DSC3: variants seen among roughly 807,000 people sequenced by gnomAD.
The protein encoded by DSC3 is desmocollin 3, also known as desmocollin-3.
DSC3 carries 97 observed loss-of-function variants against 89.5 expected under a neutral mutation model. That is an observed-to-expected ratio of 1.08 (90% CI 0.92 to 1.28). DSC3 has a LOEUF of 1.28. Ranked by LOEUF, DSC3 falls within the 50% of genes most tolerant of loss-of-function variation. The pLI, the probability that DSC3 is intolerant of heterozygous loss-of-function variation, is 0.00. For synonymous variants in DSC3, 436 were observed against 384.1 expected (o/e 1.14, Z -1.58); for missense variants, 1,199 against 1,085.3 (o/e 1.10, Z -1.47).
At chr18:31,040,298 G>T (rs1289922036) in intron 1 of DSC3, among the ~76,000 whole-genome samples, 1 of 151,864 alleles carries the variant, frequency 6.6e-6, no homozygotes. Flanking sequence ...AAGTGGATTT[G>T]ATAACAGTAT....
At chr18:31,034,060 C>T (rs1985892227) in intron 1 of DSC3, among the ~76,000 whole-genome samples, 4 of 152,110 alleles carry the variant, frequency 2.6e-5, no homozygotes, top group Admixed American at 1.3e-4. Flanking sequence ...CTCCTGACCT[C>T]GTGATCCGCC....
At position 31,008,602 on chromosome 18, in the gene DSC3, C is replaced by T. The variant is rs1257092977; in HGVS notation, c.1264-77G>A. On this transcript the variant is annotated intron_variant, in intron 9 of 15. Coordinates refer to ENST00000360428, the MANE Select transcript of DSC3 (RefSeq NM_001941.5). The stretch of plus-strand genomic sequence containing the variant: ...TTTCAAATGGCAAGTGAACATTTGT[C>T]ATCCTGACCAGTGCTGCATAAATTC... 1.6e-5 allele frequency: 25 copies of T among 1,553,818 alleles called. 1 individual carries two copies. Among genetic ancestry groups the T allele is most frequent in the Non-Finnish European group, 2.1e-5 (24 of 1,134,838 alleles).
chr18:31,035,356 C>T (rs1165514909), intron 1 of DSC3, among the ~76,000 whole-genome samples: 7 of 152,000 alleles, frequency 4.6e-5, no homozygotes, highest in South Asian at 2.1e-4. Context: ...TGTAACAATG[C>T]TGTTTAATTT....
intron 9 of DSC3, among the ~76,000 whole-genome samples, chr18:31,009,837 T>A (rs1421626138): frequency 1.3e-5 from 2 of 152,266 alleles, no homozygotes; most frequent in African/African-American, 4.8e-5. Context: ...AGCCAGGTAG[T>A]CTGACCTGAG....
rs182021280 is a variant in DSC3, at chr18:31,018,483, T to C, written c.1077+183A>G. 2.1e-4 allele frequency among the ~76,000 whole-genome samples: 32 copies of C among 152,250 alleles called. No individual in the cohort carries two copies. In the South Asian group the frequency reaches 3.3e-3, roughly 16 times the overall value. ...CTGGCCTTTGACAGAAGGGAGATAA[T>C]AGAAACACTAATATGAATAAATAAA... On this transcript the variant is annotated intron_variant, in intron 8 of 15. Coordinates refer to ENST00000360428, the MANE Select transcript of DSC3 (RefSeq NM_001941.5).
chr18:31,024,405 T>C lies in DSC3; in HGVS notation c.719A>G (p.His240Arg), dbSNP rs535286310. 8 of 1,609,844 alleles carry C rather than the reference T, an allele frequency of 5.0e-6. No homozygotes were observed. The Admixed American group carries it at 1.3e-4, about 27-fold the overall frequency. The change falls in exon 6 of 16, where the codon CAC (histidine) becomes CGC (arginine). Residue 240 changes from histidine to arginine, a missense_variant. By Grantham distance (29) the His-to-Arg change is conservative. Coordinates refer to ENST00000360428, the MANE Select transcript of DSC3 (RefSeq NM_001941.5). ...PIRVEDENDN[H>R]PVFTEAIYNF... ...ATAAATTGCTTCTGTGAAAACAGGG[T>C]GGTTGTCATTTTCATCCTCTACCCT...
chr18:31,010,053 A>C lies in DSC3; in HGVS notation c.1264-1528T>G, dbSNP rs150364152. 4.0e-4 allele frequency among the ~76,000 whole-genome samples: 61 copies of C among 152,368 alleles called. No homozygotes were observed. The East Asian group carries it at 9.8e-3, about 25-fold the overall frequency. ...AATTTCTCTTTCTGCTTATCAAAAC[A>C]ATCACTGGCTAAACATTGAACAAAA... On this transcript the variant is annotated intron_variant, in intron 9 of 15. Coordinates refer to ENST00000360428, the MANE Select transcript of DSC3 (RefSeq NM_001941.5).
intron 1 of DSC3, among the ~76,000 whole-genome samples, chr18:31,034,032 CG>C (rs1384871344): frequency 2.6e-5 from 4 of 152,080 alleles, no homozygotes; most frequent in Non-Finnish European, 4.4e-5. Context: ...TCACCGTGTT[CG>C]CCAGGATTGT....
At position 31,019,479 on chromosome 18, in the gene DSC3, C is replaced by T. The variant is rs2144711827; in HGVS notation, c.943-679G>A. 1.3e-5 allele frequency among the ~76,000 whole-genome samples: 2 copies of T among 152,268 alleles called. 1 individual carries two copies. Among genetic ancestry groups the T allele is most frequent in the Middle Eastern group, 6.8e-3 (2 of 294 alleles). The stretch of plus-strand genomic sequence containing the variant: ...AAAATCAAAGCAGTTAGTTGAAACT[C>T]CCCTGCAGCAATCATCTAAAACAGG... On this transcript the variant is annotated intron_variant, in intron 7 of 15. Transcript: ENST00000360428.
chr18:30,995,996 A>AAGAAAT, intron 15 of DSC3, among the ~76,000 whole-genome samples: 1 of 136,480 alleles, frequency 7.3e-6, no homozygotes, highest in South Asian at 2.4e-4. Flanking sequence ...AAAAAAAAAA[A>AAGAAAT]AAAGAAAAGA....
rs906403455 is a variant in DSC3, at chr18:30,992,657, C to T, written c.*1518G>A. 1 of 152,300 alleles carries T rather than the reference C, an allele frequency of 6.6e-6. No homozygotes were observed. The highest frequency in any genetic ancestry group is 2.4e-5 in the African/African-American group (1 of 41,474). The allele number at this position is 152,300 out of a possible 1,614,324, so 9.4% of individuals were successfully genotyped here. A position where few individuals can be genotyped will look rare whatever the true frequency, so the allele number is the denominator to read the frequency against. On this transcript the variant is annotated 3_prime_UTR_variant, in exon 16 of 16. Transcript: ENST00000360428. ...GCCCTCTGACTGTACAAATAACCTA[C>T]TTGGGCTGCTTTCTCCCAAAGTTCC...
At position 31,001,737 on chromosome 18, in the gene DSC3, C is replaced by G; in HGVS notation, c.2116G>C (p.Val706Leu). The G allele has an allele frequency of 6.3e-7, 1 of 1,584,712 alleles. No homozygotes were observed. Among genetic ancestry groups the G allele is most frequent in the South Asian group, 1.2e-5 (1 of 84,162 alleles). Residue 706 changes from valine (V) to leucine (L), a missense_variant and splice_region_variant, in exon 14 of 16, where the codon GTA becomes CTA. Transcript: ENST00000360428. The part of the protein sequence containing the change: ...ILLGIALLFS[V>L]LLTLVCGVFG... The stretch of plus-strand genomic sequence containing the variant: ...ACTCCACATACTAAAGTTAGCAATA[C>G]AGCTGAATTTAAAAATAAAAATAAA...
Position 31,004,371 on chromosome 18 carries a change from A to G in DSC3, c.1889-5T>C, listed in dbSNP as rs1420691555. ...ATGAAAGACGGGCAGCTGTATCTGA[A>G]AGAAAATAAAAGAAGTTTATTTTTT... is the stretch of plus-strand genomic sequence containing the variant. On this transcript the variant is annotated splice_polypyrimidine_tract_variant and splice_region_variant and intron_variant, in intron 12 of 15. Transcript: ENST00000360428. The G allele has an allele frequency of 6.2e-7, 1 of 1,607,450 alleles. No homozygotes were observed. The highest frequency in any genetic ancestry group is 1.7e-5 in the Admixed American group (1 of 59,886).
At chr18:31,002,241 A>T (rs1006402923) in intron 13 of DSC3, among the ~76,000 whole-genome samples, 7 of 152,332 alleles carry the variant, frequency 4.6e-5, no homozygotes, top group South Asian at 2.1e-4. Context: ...AAAATACATG[A>T]TAATTAAACT....
In DSC3 at chr18:30,997,143, T is replaced by TATTC. The variant is rs554580348; in HGVS notation, c.2236-99_2236-96dup. The TATTC allele has an allele frequency of 1.4e-3, 1,964 of 1,409,790 alleles. 6 individuals carry two copies. Among genetic ancestry groups the TATTC allele is most frequent in the Non-Finnish European group, 1.7e-3 (1,707 of 1,008,600 alleles). 87.3% of individuals were successfully genotyped at this position (1,409,790 alleles called of 1,614,324 possible). Reference sequence around the variant, plus strand: ...GAGAGAGAATATTTGTTCAACCTTTTATTCATTCATTCATTCATTCATTCA... The same window carrying TATTC: ...GAGAGAGAATATTTGTTCAACCTTTTATTCATTCATTCATTCATTCATTCATTCA... On this transcript the variant is annotated intron_variant, in intron 14 of 15. Transcript: ENST00000360428.
At chr18:31,006,016 T>A (rs774527846) in intron 12 of DSC3, among the ~76,000 whole-genome samples, 14 of 152,152 alleles carry the variant, frequency 9.2e-5, no homozygotes, top group Non-Finnish European at 1.9e-4. Flanking sequence ...TCTATGTAGA[T>A]ATGGCTATAT....
At position 31,018,206 on chromosome 18, in the gene DSC3, T is replaced by C. The variant is rs1323201294; in HGVS notation, c.1128A>G (p.Ile376Met). 6.2e-7 allele frequency: 1 copy of C among 1,612,172 alleles called. No individual in the cohort carries two copies. ...TAATTAAATCCTTATCTTCTATAGG[T>C]ATTCGTAAGATTTCCACATTGAATG... ...ENAFNVEILR[I>M]PIEDKDLINT... The change falls in exon 9 of 16, where the codon ATA becomes ATG. Residue 376 changes from isoleucine to methionine, a missense_variant. Ile to Met is a conservative substitution (Grantham distance 10). Coordinates refer to ENST00000360428, the MANE Select transcript of DSC3 (RefSeq NM_001941.5).
chr18:30,996,382 T>A (rs912158094), intron 15 of DSC3, among the ~76,000 whole-genome samples: 1 of 152,152 alleles, frequency 6.6e-6, no homozygotes, highest in Non-Finnish European at 1.5e-5. Flanking sequence ...ATATAAATCA[T>A]GCTATTTAAT....
chr18:31,017,455 G>C (rs1985273130), intron 9 of DSC3, among the ~76,000 whole-genome samples: 1 of 152,110 alleles, frequency 6.6e-6, no homozygotes, highest in African/African-American at 2.4e-5. Context: ...CTGGATCCTA[G>C]AATGTACCAG....
Sources: gnomAD v4.1 joint callset for allele counts (sites outside exome capture counted in the v4.1 genomes callset) on GRCh38, gnomAD v4.1.1 for gene constraint, MANE v1.5 for transcripts, NCBI Gene and HGNC (gene_info 2026-07-23, HGNC 2026-07-21) for gene names.